The following ADAMTSL3 variants were observed in gnomAD, a reference collection of about 807,000 sequenced individuals.
ADAMTSL3 encodes the protein ADAMTS-like protein 3.
A neutral mutation model predicts 201.7 loss-of-function variants in ADAMTSL3; 128 were observed. The ratio of observed to expected loss-of-function variants is 0.63; its 90% CI spans 0.55 to 0.73. ADAMTSL3 has a LOEUF of 0.73. Among genes scored for constraint, ADAMTSL3 ranks in the 30% least tolerant of loss-of-function variants. The pLI is 0.00. For missense variants in ADAMTSL3, 1,990 were observed against 2,119.6 expected, an observed-to-expected ratio of 0.94 and a Z score of 1.20; for synonymous variants, 738 against 748.4, an observed-to-expected ratio of 0.99 and a Z score of 0.23.
chr15:83,870,829 G>A lies in ADAMTSL3; in HGVS notation c.830G>A (p.Ser277Asn), dbSNP rs772925004. ...ATTGAATCAAAAACACTTCAAGGAA[G>A]CAAAGGAGAACACAGCTTTAACAGC... is the stretch of plus-strand genomic sequence containing the variant. ...LFIESKTLQG[S>N]KGEHSFNSPG... is the part of the protein sequence containing the mutation. Residue 277 changes from serine (S) to asparagine (N), a missense_variant, in exon 9 of 30, where the codon AGC (serine) becomes AAC (asparagine). Coordinates refer to ENST00000286744, the MANE Select transcript of ADAMTSL3 (RefSeq NM_207517.3). 6.2e-7 allele frequency: 1 copy of A among 1,603,100 alleles called. No homozygotes were observed. Among genetic ancestry groups the A allele is most frequent in the Non-Finnish European group, 8.5e-7 (1 of 1,176,920 alleles).
chr15:83,903,963 A>G (rs1271804619), intron 15 of ADAMTSL3, among the ~76,000 whole-genome samples: 1,092 of 108,200 alleles, frequency 0.01, 48 homozygotes, highest in Middle Eastern at 0.023. Context: ...AAAGAAAGAA[A>G]GAAAGAAAAG....
intron 2 of ADAMTSL3, among the ~76,000 whole-genome samples, chr15:83,693,235 C>T (rs1363405301): frequency 2.0e-5 from 3 of 152,194 alleles, no homozygotes; most frequent in African/African-American, 2.4e-5. Context: ...CTGCATATGT[C>T]GGTTGCACTG....
chr15:83,768,163 A>G (rs2062922544), intron 3 of ADAMTSL3, among the ~76,000 whole-genome samples: 1 of 152,178 alleles, frequency 6.6e-6, no homozygotes, highest in Non-Finnish European at 1.5e-5. Flanking sequence ...AAGAGGAAAA[A>G]CAATTGCTTA....
intron 4 of ADAMTSL3, among the ~76,000 whole-genome samples, chr15:83,795,471 C>A (rs981735840): frequency 6.6e-6 from 1 of 152,088 alleles, no homozygotes; most frequent in African/African-American, 2.4e-5. Context: ...AATCACAGAT[C>A]AAGTCTTGAG....
chr15:83,663,573 C>G (rs1775861736), intron 2 of ADAMTSL3, among the ~76,000 whole-genome samples: 1 of 152,204 alleles, frequency 6.6e-6, no homozygotes, highest in African/African-American at 2.4e-5. Context: ...TTGCTACACA[C>G]TTGATACACA....
At chr15:83,829,040 T>C (rs921916767) in intron 6 of ADAMTSL3, among the ~76,000 whole-genome samples, 6 of 152,238 alleles carry the variant, frequency 3.9e-5, no homozygotes, top group Non-Finnish European at 5.9e-5. Context: ...GCTGGCCTCA[T>C]AAAATGAGTT....
At chr15:83,755,905 C>T (rs574432163) in intron 3 of ADAMTSL3, among the ~76,000 whole-genome samples, 5 of 152,222 alleles carry the variant, frequency 3.3e-5, no homozygotes, top group Non-Finnish European at 7.4e-5. Context: ...GGACTACAGG[C>T]GCCTGCCACC....
chr15:83,921,325 C>G (rs2066139202), intron 16 of ADAMTSL3, among the ~76,000 whole-genome samples: 1 of 152,186 alleles, frequency 6.6e-6, no homozygotes, highest in Non-Finnish European at 1.5e-5. Flanking sequence ...ACGGATGCTT[C>G]AAGAAAGCAT....
chr15:84,007,203 A>G (rs540593682), intron 23 of ADAMTSL3, among the ~76,000 whole-genome samples: 2 of 152,294 alleles, frequency 1.3e-5, no homozygotes, highest in Admixed American at 6.5e-5. Flanking sequence ...CTGTTTGGCC[A>G]TCTTGGTTGT....
Position 83,773,636 on chromosome 15 carries a change from A to G in ADAMTSL3, c.303A>G (p.Arg101=), listed in dbSNP as rs1251937464. 10 of 1,608,580 alleles carry G rather than the reference A, an allele frequency of 6.2e-6. No individual in the cohort carries two copies. Among genetic ancestry groups the G allele is most frequent in the Admixed American group, 1.7e-5 (1 of 58,692 alleles). The part of the protein sequence containing the change: ...CGGGASYSLR[R]CLTGRNCEGQ... ...GAGGAGCATCATATTCTCTGCGGAG[A>G]TGTTTGACTGGAAGGTTAGTGGTGG... The change falls in exon 4 of 30, where the codon AGA becomes AGG. Residue 101 remains arginine, a synonymous_variant. Coordinates refer to ENST00000286744, the MANE Select transcript of ADAMTSL3 (RefSeq NM_207517.3).
intron 7 of ADAMTSL3, among the ~76,000 whole-genome samples, chr15:83,847,969 A>C (rs1361812847): frequency 6.6e-6 from 1 of 151,972 alleles, no homozygotes; most frequent in Non-Finnish European, 1.5e-5. Context: ...TATAGGGTTC[A>C]AATTATTAGC....
At chr15:83,957,367 T>A (rs2066881760) in intron 19 of ADAMTSL3, among the ~76,000 whole-genome samples, 1 of 152,138 alleles carries the variant, frequency 6.6e-6, no homozygotes, top group Admixed American at 6.5e-5. Context: ...GGAAGGTGTT[T>A]GAATGGGGAA....
At chr15:83,962,769 G>A (rs1395123462) in intron 19 of ADAMTSL3, among the ~76,000 whole-genome samples, 3 of 152,232 alleles carry the variant, frequency 2.0e-5, no homozygotes, top group Non-Finnish European at 2.9e-5. Context: ...AGCTCCCAGT[G>A]AGATCAACAC....
chr15:83,853,586 A>G (rs369634451), intron 7 of ADAMTSL3, among the ~76,000 whole-genome samples: 1 of 152,196 alleles, frequency 6.6e-6, no homozygotes, highest in African/African-American at 2.4e-5. Flanking sequence ...TACTTTGTCT[A>G]TTAATATAGT....
At chr15:83,718,690 CAA>C (rs35735223) in intron 3 of ADAMTSL3, among the ~76,000 whole-genome samples, 14 of 87,220 alleles carry the variant, frequency 1.6e-4, no homozygotes, top group Admixed American at 3.0e-4. Flanking sequence ...GACTCCGTCT[CAA>C]AAAAAAAAAA....
intron 19 of ADAMTSL3, among the ~76,000 whole-genome samples, chr15:83,948,269 C>G (rs1414709151): frequency 6.6e-6 from 1 of 152,120 alleles, no homozygotes; most frequent in Non-Finnish European, 1.5e-5. Context: ...CCAACTTGTG[C>G]TCAGTCACAT....
At chr15:83,763,656 C>G (rs943512844) in intron 3 of ADAMTSL3, among the ~76,000 whole-genome samples, 3 of 152,116 alleles carry the variant, frequency 2.0e-5, no homozygotes, top group Admixed American at 6.5e-5. Context: ...AGGCGCCCAC[C>G]ACCATGCCTG....
At chr15:83,830,613 A>G (rs1441539435) in intron 6 of ADAMTSL3, among the ~76,000 whole-genome samples, 1 of 152,216 alleles carries the variant, frequency 6.6e-6, no homozygotes, top group Non-Finnish European at 1.5e-5. Context: ...GGGATGCAGG[A>G]TGCATTAGTT....
chr15:83,908,762 C>T (rs1043790157), intron 15 of ADAMTSL3, among the ~76,000 whole-genome samples: 1 of 152,196 alleles, frequency 6.6e-6, no homozygotes, highest in African/African-American at 2.4e-5. Flanking sequence ...ATACCACAAA[C>T]TTAGCGGTGT....
Sources: gnomAD v4.1 joint callset for allele counts (sites outside exome capture counted in the v4.1 genomes callset) on GRCh38, gnomAD v4.1.1 for gene constraint, MANE v1.5 for transcripts, NCBI Gene and HGNC (gene_info 2026-07-23, HGNC 2026-07-21) for gene names.